The following GLIS3 variants were observed in gnomAD, a reference collection of about 807,000 sequenced individuals.
GLIS3 encodes zinc finger protein GLIS3.
In GLIS3, 53 loss-of-function variants were observed where a neutral mutation model predicts 78.6. The observed-to-expected ratio is 0.67, with a 90% CI of 0.54 to 0.85. GLIS3 has a LOEUF of 0.85. Among genes scored for constraint, GLIS3 ranks in the 40% least tolerant of loss-of-function variants. The pLI is 0.00. For missense variants in GLIS3, 1,703 were observed against 1,231.1 expected (o/e 1.38, Z -5.74); for synonymous variants, 684 against 509.9 (o/e 1.34, Z -4.60).
At chr9:3,974,022 T>C (rs780141654) in intron 4 of GLIS3, among the ~76,000 whole-genome samples, 65 of 152,312 alleles carry the variant, frequency 4.3e-4, no homozygotes, top group Non-Finnish European at 8.7e-4. Context: ...ATGATTCCTG[T>C]AAGTGCGAAA....
At chr9:4,402,711 G>C in the GLIS3 span, among the ~76,000 whole-genome samples, 2 of 152,142 alleles carry the variant, frequency 1.3e-5, no homozygotes, top group African/African-American at 2.4e-5. Flanking sequence ...TCTCTTAATA[G>C]TAGAATTGAT....
intron 4 of GLIS3, among the ~76,000 whole-genome samples, chr9:4,008,639 T>C (rs1164632242): frequency 6.6e-6 from 1 of 152,168 alleles, no homozygotes; most frequent in Non-Finnish European, 1.5e-5. Flanking sequence ...TCTCCCCACC[T>C]AGACTGTGAG....
chr9:4,046,865 A>C (rs1358777031), intron 4 of GLIS3, among the ~76,000 whole-genome samples: 1 of 152,204 alleles, frequency 6.6e-6, no homozygotes, highest in Non-Finnish European at 1.5e-5. Flanking sequence ...TACTTCATCT[A>C]GGTATTGCCA....
At chr9:4,121,734 T>A (rs1209383639) in intron 3 of GLIS3, among the ~76,000 whole-genome samples, 1 of 152,130 alleles carries the variant, frequency 6.6e-6, no homozygotes, top group Non-Finnish European at 1.5e-5. Flanking sequence ...ATACACATTC[T>A]CTATTGTTTT....
chr9:4,334,337 A>G (rs1484076623), intron 2 of GLIS3, among the ~76,000 whole-genome samples: 1 of 152,184 alleles, frequency 6.6e-6, no homozygotes, highest in African/African-American at 2.4e-5. Context: ...ACAAGCAACA[A>G]TTAAAACGTG....
chr9:4,105,381 G>A (rs1217539625), intron 4 of GLIS3, among the ~76,000 whole-genome samples: 1 of 152,188 alleles, frequency 6.6e-6, no homozygotes, highest in Admixed American at 6.5e-5. Flanking sequence ...AGCCTGTCAA[G>A]ACACTTGGCA....
At chr9:3,979,848 T>G (rs952842580) in intron 4 of GLIS3, among the ~76,000 whole-genome samples, 2 of 152,142 alleles carry the variant, frequency 1.3e-5, no homozygotes, top group African/African-American at 4.8e-5. Flanking sequence ...GAACTAGGGA[T>G]ACAACAGAGA....
the GLIS3 span, among the ~76,000 whole-genome samples, chr9:4,401,931 G>A: frequency 1.3e-5 from 2 of 152,186 alleles, no homozygotes; most frequent in East Asian, 3.9e-4. Flanking sequence ...AGAGCGGGAA[G>A]CACTTTATAT....
chr9:4,152,456 T>G (rs1321119456), intron 2 of GLIS3, among the ~76,000 whole-genome samples: 1 of 152,220 alleles, frequency 6.6e-6, no homozygotes, highest in Non-Finnish European at 1.5e-5. Context: ...GGCTATTGTT[T>G]GGGCTACTTT....
At chr9:4,217,370 C>G (rs1444601237) in intron 2 of GLIS3, among the ~76,000 whole-genome samples, 3 of 152,174 alleles carry the variant, frequency 2.0e-5, no homozygotes, top group African/African-American at 7.2e-5. Flanking sequence ...CATCCCAAGT[C>G]TATCAGAATC....
At chr9:4,470,297 A>G in the GLIS3 span, among the ~76,000 whole-genome samples, 4 of 152,350 alleles carry the variant, frequency 2.6e-5, no homozygotes, top group East Asian at 5.8e-4. Context: ...CAGAGACAAA[A>G]AAAAGAAAGA....
chr9:4,316,421 G>T (rs1041045367), intron 2 of GLIS3, among the ~76,000 whole-genome samples: 1 of 152,200 alleles, frequency 6.6e-6, no homozygotes, highest in Admixed American at 6.5e-5. Flanking sequence ...GCTAGGGACA[G>T]AGTAGTACAG....
At chr9:4,380,242 G>A in the GLIS3 span, among the ~76,000 whole-genome samples, 1 of 152,150 alleles carries the variant, frequency 6.6e-6, no homozygotes, top group African/African-American at 2.4e-5. Flanking sequence ...AATTAGACAT[G>A]TATTTAACTG....
At chr9:3,846,670 G>T (rs1205805101) in intron 9 of GLIS3, among the ~76,000 whole-genome samples, 4 of 152,160 alleles carry the variant, frequency 2.6e-5, no homozygotes, top group African/African-American at 9.7e-5. Flanking sequence ...TATGGGCACT[G>T]TGAATTCCTC....
intron 2 of GLIS3, among the ~76,000 whole-genome samples, chr9:4,311,092 G>C (rs1246262077): frequency 6.6e-6 from 1 of 152,196 alleles, no homozygotes; most frequent in African/African-American, 2.4e-5. Context: ...AGTTCTTAAT[G>C]CTAAGGAGTC....
intron 4 of GLIS3, among the ~76,000 whole-genome samples, chr9:4,027,588 C>T (rs192068255): frequency 2.0e-4 from 30 of 152,224 alleles, no homozygotes; most frequent in Non-Finnish European, 1.9e-4. Context: ...GAGCCTGGAA[C>T]ATGCTATATT....
At chr9:4,273,795 C>A (rs1826743426) in intron 2 of GLIS3, among the ~76,000 whole-genome samples, 1 of 152,112 alleles carries the variant, frequency 6.6e-6, no homozygotes, top group Non-Finnish European at 1.5e-5. Context: ...CTCCTCCCTA[C>A]CCAAGATCCC....
intron 2 of GLIS3, among the ~76,000 whole-genome samples, chr9:4,266,730 G>A (rs1826048195): frequency 6.6e-6 from 1 of 152,176 alleles, no homozygotes; most frequent in East Asian, 1.9e-4. Flanking sequence ...ATGATAAATA[G>A]TAAAAGCTAT....
chr9:4,161,079 T>TAAA (rs59854446), intron 2 of GLIS3, among the ~76,000 whole-genome samples: 17 of 135,822 alleles, frequency 1.3e-4, no homozygotes, highest in South Asian at 1.2e-3. Context: ...CCCCATCTCT[T>TAAA]AAAAAAAAAA....
Sources: gnomAD v4.1 joint callset for allele counts (sites outside exome capture counted in the v4.1 genomes callset) on GRCh38, gnomAD v4.1.1 for gene constraint, MANE v1.5 for transcripts, NCBI Gene and HGNC (gene_info 2026-07-23, HGNC 2026-07-21) for gene names.